Variants in NOVA1 observed in about 807,000 individuals in gnomAD.
NOVA1 encodes NOVA alternative splicing regulator 1.
Under a neutral mutation model 38.0 loss-of-function variants are expected in NOVA1, and 7 were observed. The ratio of observed to expected loss-of-function variants is 0.18; its 90% CI spans 0.10 to 0.35. The LOEUF is 0.35. Among genes scored for constraint, NOVA1 ranks in the 10% least tolerant of loss-of-function variants. NOVA1 has a pLI of 1.00. For synonymous variants in NOVA1, 270 were observed against 232.5 expected, an observed-to-expected ratio of 1.16 and a Z score of -1.47; for missense variants, 460 against 616.0, an observed-to-expected ratio of 0.75 and a Z score of 2.68.
intron 2 of NOVA1, among the ~76,000 whole-genome samples, chr14:26,493,195 G>A (rs1886489049): frequency 6.6e-6 from 1 of 152,050 alleles, no homozygotes; most frequent in Non-Finnish European, 1.5e-5. Context: ...AAGAGTTATA[G>A]GGGCTAATAG....
intron 2 of NOVA1, among the ~76,000 whole-genome samples, chr14:26,556,396 C>T (rs956772770): frequency 6.6e-5 from 10 of 151,998 alleles, no homozygotes; most frequent in African/African-American, 2.4e-4. Flanking sequence ...AATTCAATAC[C>T]GCAATGATAG....
rs181923534 is a variant in NOVA1, at chr14:26,550,575, T to C, written c.280+44835A>G. ...ACCTGTCCACACAATTTATCTTTGATGGAATCAGAAAATCAAATTCAATAA... is the reference window on the plus strand; with the variant it reads ...ACCTGTCCACACAATTTATCTTTGACGGAATCAGAAAATCAAATTCAATAA... On this transcript the variant is annotated intron_variant, in intron 2 of 4. Transcript: ENST00000539517. Among the ~76,000 whole-genome samples, 712 of 152,238 alleles carry C rather than the reference T, an allele frequency of 4.7e-3. 6 individuals carry two copies. The highest frequency in any genetic ancestry group is 6.3e-3 in the Non-Finnish European group (428 of 67,986).
At chr14:26,489,834 T>C (rs1886197804) in intron 2 of NOVA1, among the ~76,000 whole-genome samples, 1 of 152,080 alleles carries the variant, frequency 6.6e-6, no homozygotes. Flanking sequence ...ATACTCTGTC[T>C]CAATAAATAA....
chr14:26,570,646 C>G (rs1594554769), intron 2 of NOVA1, among the ~76,000 whole-genome samples: 1 of 152,028 alleles, frequency 6.6e-6, no homozygotes, highest in African/African-American at 2.4e-5. Flanking sequence ...ATATTTAAAA[C>G]CAATAGATAA....
chr14:26,453,584 T>G (rs1364741796), intron 4 of NOVA1, among the ~76,000 whole-genome samples: 1 of 152,140 alleles, frequency 6.6e-6, no homozygotes, highest in Non-Finnish European at 1.5e-5. Flanking sequence ...GTTTTAAAAA[T>G]ACCACATAAA....
intron 2 of NOVA1, among the ~76,000 whole-genome samples, chr14:26,497,660 C>A (rs1886919610): frequency 6.6e-6 from 1 of 152,168 alleles, no homozygotes; most frequent in South Asian, 2.1e-4. Context: ...ATTCAATTAT[C>A]TTCTGACTAT....
At chr14:26,573,617 A>C (rs1892627348) in intron 2 of NOVA1, among the ~76,000 whole-genome samples, 1 of 152,190 alleles carries the variant, frequency 6.6e-6, no homozygotes, top group South Asian at 2.1e-4. Flanking sequence ...ATATGTAGAC[A>C]AGGATTAAAG....
chr14:26,572,337 A>C (rs1892531948), intron 2 of NOVA1, among the ~76,000 whole-genome samples: 1 of 152,242 alleles, frequency 6.6e-6, no homozygotes, highest in African/African-American at 2.4e-5. Context: ...CAGTTTGGAT[A>C]ACTTGAAAAT....
intron 2 of NOVA1, among the ~76,000 whole-genome samples, chr14:26,499,822 A>G (rs1887121523): frequency 6.6e-6 from 1 of 152,132 alleles, no homozygotes; most frequent in Non-Finnish European, 1.5e-5. Flanking sequence ...AAGCCTTCTT[A>G]TTAGCCACAG....
chr14:26,580,556 G>C (rs1893148534), intron 2 of NOVA1, among the ~76,000 whole-genome samples: 1 of 151,960 alleles, frequency 6.6e-6, no homozygotes, highest in Non-Finnish European at 1.5e-5. Context: ...TACCCACAAA[G>C]CTGAGACTGG....
chr14:26,532,399 A>G (rs916166873), intron 2 of NOVA1, among the ~76,000 whole-genome samples: 1 of 152,230 alleles, frequency 6.6e-6, no homozygotes, highest in Non-Finnish European at 1.5e-5. Flanking sequence ...TCTCAGAAAC[A>G]TGATTCAGAG....
intron 2 of NOVA1, among the ~76,000 whole-genome samples, chr14:26,589,464 G>A (rs1893714253): frequency 6.6e-6 from 1 of 151,670 alleles, no homozygotes; most frequent in South Asian, 2.1e-4. Flanking sequence ...GTAAAATTAA[G>A]TTCAAAATCT....
At chr14:26,526,129 A>G (rs1466669111) in intron 2 of NOVA1, among the ~76,000 whole-genome samples, 1 of 152,112 alleles carries the variant, frequency 6.6e-6, no homozygotes, top group Non-Finnish European at 1.5e-5. Flanking sequence ...GTCTCTCAAT[A>G]CGCTAATAAA....
At chr14:26,596,783 C>CCTG in intron 1 of NOVA1, 1 of 1,202,938 alleles carries the variant, frequency 8.3e-7, no homozygotes, top group South Asian at 1.5e-5. Flanking sequence ...AGGGCATGCA[C>CCTG]TCATCAAGAT....
intron 2 of NOVA1, among the ~76,000 whole-genome samples, chr14:26,502,235 G>C (rs1287922244): frequency 6.6e-6 from 1 of 151,584 alleles, no homozygotes; most frequent in Admixed American, 6.6e-5. Context: ...ATATTATATG[G>C]ATCATGTTCT....
chr14:26,465,098 A>C (rs1245962271), intron 4 of NOVA1, among the ~76,000 whole-genome samples: 1 of 152,206 alleles, frequency 6.6e-6, no homozygotes, highest in African/African-American at 2.4e-5. Flanking sequence ...GGACCTTCTT[A>C]TATATTTCTG....
chr14:26,448,299 G>A lies in NOVA1; in HGVS notation c.1184C>T (p.Thr395Ile). 6.2e-7 allele frequency: 1 copy of A among 1,614,078 alleles called. No individual in the cohort carries two copies. Among genetic ancestry groups the A allele is most frequent in the Non-Finnish European group, 8.5e-7 (1 of 1,180,008 alleles). Residue 395 changes from threonine to isoleucine, a missense_variant, in exon 5 of 5, where the codon ACC (threonine) becomes ATC (isoleucine). Transcript: ENST00000539517. This position sits in a 1 kb window ranked among gnomAD's most constrained non-coding sequence, Gnocchi z 5.3. ...LGSLAAATAA[T>I]NGYFGAASPL... The stretch of plus-strand genomic sequence containing the variant: ...AGAAGCAGCTCCAAAATATCCATTG[G>A]TTGCAGCAGTAGCAGCAGCCAGGCT...
In NOVA1 at chr14:26,468,198, G is replaced by A. The variant is rs1315451812; in HGVS notation, c.519+4122C>T. Among the ~76,000 whole-genome samples the A allele has an allele frequency of 2.0e-5, 3 of 152,052 alleles. No individual in the cohort carries two copies. The South Asian group carries it at 6.2e-4, about 32-fold the overall frequency. On this transcript the variant is annotated intron_variant, in intron 4 of 4. Coordinates refer to ENST00000539517, the MANE Select transcript of NOVA1 (RefSeq NM_002515.3). ...TGCAAGAAGCAAACAGCCAAGTTTT[G>A]AAGGTCCTGTGGAGAGGGACGTGTG... is the stretch of plus-strand genomic sequence containing the variant.
chr14:26,533,629 AT>A (rs1889873628), intron 2 of NOVA1, among the ~76,000 whole-genome samples: 1 of 152,168 alleles, frequency 6.6e-6, no homozygotes, highest in Admixed American at 6.5e-5. Flanking sequence ...TGCTGCCTGT[AT>A]TCATGAGGAA....
Sources: gnomAD v4.1 joint callset for allele counts (sites outside exome capture counted in the v4.1 genomes callset) on GRCh38, gnomAD v4.1.1 for gene constraint, Gnocchi (gnomAD v3.1) non-coding constraint, MANE v1.5 for transcripts, NCBI Gene and HGNC (gene_info 2026-07-23, HGNC 2026-07-21) for gene names.